ADGRD1: variants seen among roughly 807,000 people sequenced by gnomAD.
ADGRD1 encodes G-protein coupled receptor 133.
ADGRD1 carries 77 observed loss-of-function variants against 113.4 expected under a neutral mutation model. The ratio of observed to expected loss-of-function variants is 0.68; its 90% CI spans 0.57 to 0.82. The LOEUF is 0.82. ADGRD1 is among the 40% of genes least tolerant of loss of function. The probability of loss-of-function intolerance (pLI) is 0.00; values close to 1 mark genes in which losing one functional copy is unlikely to be tolerated. For missense variants in ADGRD1, 1,036 were observed against 1,139.1 expected, an observed-to-expected ratio of 0.91 and a Z score of 1.30; for synonymous variants, 474 against 475.0, an observed-to-expected ratio of 1.00 and a Z score of 0.03.
chr12:131,011,655 C>A (rs570619710), intron 12 of ADGRD1, among the ~76,000 whole-genome samples: 16 of 152,274 alleles, frequency 1.1e-4, no homozygotes, highest in Non-Finnish European at 1.8e-4. Flanking sequence ...AGTCAAGGGA[C>A]AAATCATGCT....
Position 131,122,589 on chromosome 12 carries a change from G to A in ADGRD1, c.2175+1676G>A, listed in dbSNP as rs550788107. Among the ~76,000 whole-genome samples the A allele has an allele frequency of 1.1e-4, 16 of 152,346 alleles. No individual in the cohort carries two copies. In the South Asian group the frequency reaches 2.5e-3, roughly 24 times the overall value. Reference sequence around the variant, plus strand: ...GCGGACTCCAGTCATCAAACTCCTGGCCGGAGCATGGCCAGTTGGGAGGGG... The same window carrying A: ...GCGGACTCCAGTCATCAAACTCCTGACCGGAGCATGGCCAGTTGGGAGGGG... On this transcript the variant is annotated intron_variant, in intron 20 of 24. Transcript: ENST00000261654.
At chr12:130,975,622 C>CA (rs1261651538) in intron 4 of ADGRD1, among the ~76,000 whole-genome samples, 1 of 152,018 alleles carries the variant, frequency 6.6e-6, no homozygotes, top group African/African-American at 2.4e-5. Flanking sequence ...GCATAAAATC[C>CA]AAAAAAGGTC....
chr12:131,090,808 C>A lies in ADGRD1; in HGVS notation c.1671+6145C>A, dbSNP rs1050985154. 2.6e-5 allele frequency among the ~76,000 whole-genome samples: 4 copies of A among 152,328 alleles called. No homozygotes were observed. The East Asian group carries it at 7.7e-4, about 29-fold the overall frequency. ...TGCACATGCTTCTTTAGAATAAATT[C>A]CTGGCAGGTGAATCTGTGGGCAAAG... On this transcript the variant is annotated intron_variant, in intron 15 of 24. Transcript: ENST00000261654.
At chr12:131,080,621 C>CT (rs531954229) in intron 14 of ADGRD1, among the ~76,000 whole-genome samples, 3 of 151,798 alleles carry the variant, frequency 2.0e-5, no homozygotes, top group Non-Finnish European at 2.9e-5. Context: ...TAGTTTTATT[C>CT]TTTTTTTTAT....
chr12:131,019,566 T>C (rs1445464767), intron 13 of ADGRD1, among the ~76,000 whole-genome samples: 1 of 151,912 alleles, frequency 6.6e-6, no homozygotes, highest in East Asian at 1.9e-4. Context: ...CGAAGCAGAG[T>C]CTTGGGAAAT....
In ADGRD1 at chr12:131,057,118, G is replaced by A. The variant is rs7135773; in HGVS notation, c.1474-19683G>A. The stretch of plus-strand genomic sequence containing the variant: ...AGAGATGATTTTGTGGCAACGACTT[G>A]GGTGTAATTTTTGAAGTGGAGGAAA... On this transcript the variant is annotated intron_variant, in intron 13 of 24. Transcript: ENST00000261654. The surrounding 1 kb of genome is among the most constrained non-coding windows in gnomAD (Gnocchi z 4.2). Among the ~76,000 whole-genome samples the A allele has an allele frequency of 6.8e-3, 1,031 of 152,314 alleles. 15 individuals carry two copies. The highest frequency in any genetic ancestry group is 0.024 in the African/African-American group (984 of 41,542).
chr12:130,963,285 A>T (rs1015661419), intron 2 of ADGRD1, among the ~76,000 whole-genome samples: 17 of 136,478 alleles, frequency 1.2e-4, no homozygotes, highest in African/African-American at 4.2e-4. Flanking sequence ...GCGCCACTGC[A>T]CTCCAGCCTG....
At position 131,096,122 on chromosome 12, in the gene ADGRD1, T is replaced by G. The variant is rs1465050073; in HGVS notation, c.1672-8709T>G. Among the ~76,000 whole-genome samples, 1 of 152,224 alleles carries G rather than the reference T, an allele frequency of 6.6e-6. No individual in the cohort carries two copies. Among genetic ancestry groups the G allele is most frequent in the Non-Finnish European group, 1.5e-5 (1 of 68,042 alleles). Reference sequence around the variant, plus strand: ...TCATTCCAGACGCAGTTGCTGAGCCTGGGGCCCCGCTTTGCTCTTTGTTCT... The same window carrying G: ...TCATTCCAGACGCAGTTGCTGAGCCGGGGGCCCCGCTTTGCTCTTTGTTCT... On this transcript the variant is annotated intron_variant, in intron 15 of 24. Transcript: ENST00000261654. This position sits in a 1 kb window ranked among gnomAD's most constrained non-coding sequence, Gnocchi z 5.2.
intron 17 of ADGRD1, among the ~76,000 whole-genome samples, chr12:131,107,308 G>A (rs1289904298): frequency 6.6e-6 from 1 of 151,312 alleles, no homozygotes; most frequent in East Asian, 1.9e-4. Context: ...CCAGCGAAGG[G>A]CTCTGATGGG....
intron 13 of ADGRD1, among the ~76,000 whole-genome samples, chr12:131,062,039 T>G (rs2464295): frequency 1 from 152,245 of 152,280 alleles, 76,105 homozygotes; most frequent in Middle Eastern, 1. Context: ...TTTGTTTTTT[T>G]TTTTTGAGAT....
intron 20 of ADGRD1, among the ~76,000 whole-genome samples, chr12:131,125,184 T>A (rs12372142): frequency 0.22 from 33,592 of 152,116 alleles, 4,633 homozygotes; most frequent in South Asian, 0.39. Context: ...TGTCTCTAAG[T>A]GGTCTTGTTC....
chr12:131,006,066 C>T lies in ADGRD1; in HGVS notation c.1331+19C>T, dbSNP rs1239177039. ...ACACCAAGTGAGTCTCGGGGGTGCT[C>T]AGCTCAGGGGCGTGGGTGTGCGTGG... On this transcript the variant is annotated intron_variant, in intron 12 of 24. Transcript: ENST00000261654. The T allele has an allele frequency of 1.2e-6, 2 of 1,608,626 alleles. No homozygotes were observed. Among genetic ancestry groups the T allele is most frequent in the Non-Finnish European group, 1.7e-6 (2 of 1,176,370 alleles).
chr12:130,996,827 C>CA (rs1875484489), intron 8 of ADGRD1, among the ~76,000 whole-genome samples: 1 of 102,846 alleles, frequency 9.7e-6, no homozygotes, highest in Non-Finnish European at 2.1e-5. Context: ...GCTGGCCGGG[C>CA]GGGGGGCTGA....
Position 131,043,182 on chromosome 12 carries a change from G to C in ADGRD1, c.1473+28842G>C, listed in dbSNP as rs73477378. Among the ~76,000 whole-genome samples the C allele has an allele frequency of 6.8e-4, 104 of 152,312 alleles. 1 individual carries two copies. The East Asian group carries it at 0.011, about 16-fold the overall frequency. On this transcript the variant is annotated intron_variant, in intron 13 of 24. Transcript: ENST00000261654. ...TGTGCACCCTGGAGCAGCCCGGCCC[G>C]GGGCTGAGCATGCCGTGCATTTTCT...
At chr12:131,121,242 C>T (rs1303539086) in intron 20 of ADGRD1, among the ~76,000 whole-genome samples, 3 of 152,208 alleles carry the variant, frequency 2.0e-5, no homozygotes, top group Admixed American at 6.5e-5. Flanking sequence ...CACCCACCGG[C>T]TAGCTCCTTG....
At chr12:131,015,158 T>C (rs1878405707) in intron 13 of ADGRD1, among the ~76,000 whole-genome samples, 1 of 152,282 alleles carries the variant, frequency 6.6e-6, no homozygotes, top group Admixed American at 6.5e-5. Flanking sequence ...AGGCCGACTC[T>C]GTGCGCATAC....
At chr12:130,960,355 T>G (rs1054106621) in intron 2 of ADGRD1, among the ~76,000 whole-genome samples, 1 of 151,984 alleles carries the variant, frequency 6.6e-6, no homozygotes, top group Non-Finnish European at 1.5e-5. Flanking sequence ...ATTCCTTAGA[T>G]CTCCATCATG....
Position 130,956,473 on chromosome 12 carries a change from A to G in ADGRD1, c.103+1813A>G, listed in dbSNP as rs550522402. 13 of 152,362 alleles carry G rather than the reference A, an allele frequency of 8.5e-5. No homozygotes were observed. The South Asian group carries it at 2.7e-3, about 32-fold the overall frequency. 9.4% of individuals were successfully genotyped at this position (152,362 alleles called of 1,614,324 possible). ...CAAGGGCTCCTGTGGCTTGGGAACG[A>G]ATAAACATGCCCAGCGCTGCGTTAA... On this transcript the variant is annotated intron_variant, in intron 2 of 24. Coordinates refer to ENST00000261654, the MANE Select transcript of ADGRD1 (RefSeq NM_198827.5).
chr12:130,956,534 C>T (rs955656763), intron 2 of ADGRD1: 5 of 152,366 alleles, frequency 3.3e-5, no homozygotes, highest in African/African-American at 7.2e-5. Flanking sequence ...CCTTGCTTCT[C>T]GTGAATGCAG....
Sources: gnomAD v4.1 joint callset for allele counts (sites outside exome capture counted in the v4.1 genomes callset) on GRCh38, gnomAD v4.1.1 for gene constraint, Gnocchi (gnomAD v3.1) non-coding constraint, MANE v1.5 for transcripts, NCBI Gene and HGNC (gene_info 2026-07-23, HGNC 2026-07-21) for gene names.